Variants in ATP8B4 observed in about 807,000 individuals in gnomAD.
The protein encoded by ATP8B4 is ATPase phospholipid transporting 8B4 (putative).
A neutral mutation model predicts 145.6 loss-of-function variants in ATP8B4; 133 were observed. The observed-to-expected ratio is 0.91, with a 90% CI of 0.79 to 1.05. The LOEUF (loss-of-function observed/expected upper bound fraction) is 1.05, where lower values mean the gene tolerates loss of function less well. ATP8B4 is among the 50% of genes least tolerant of loss of function. The probability of loss-of-function intolerance (pLI) is 0.00; values close to 1 mark genes in which losing one functional copy is unlikely to be tolerated. For missense variants in ATP8B4, 1,458 were observed against 1,425.2 expected, an observed-to-expected ratio of 1.02 and a Z score of -0.37; for synonymous variants, 507 against 492.9, an observed-to-expected ratio of 1.03 and a Z score of -0.38.
At chr15:49,863,455 C>T (rs1215323366) in intron 26 of ATP8B4, among the ~76,000 whole-genome samples, 1 of 152,162 alleles carries the variant, frequency 6.6e-6, no homozygotes, top group Non-Finnish European at 1.5e-5. Context: ...AAGATGCCAA[C>T]CCTGCTTATA....
intron 1 of ATP8B4, among the ~76,000 whole-genome samples, chr15:50,144,482 C>T (rs562366592): frequency 6.6e-6 from 1 of 152,108 alleles, no homozygotes; most frequent in African/African-American, 2.4e-5. Context: ...GCACATCTTA[C>T]GTGGCAGCAG....
intron 20 of ATP8B4, among the ~76,000 whole-genome samples, chr15:49,905,218 C>T (rs1458876659): frequency 1.3e-5 from 2 of 152,120 alleles, no homozygotes; most frequent in African/African-American, 2.4e-5. Context: ...ATTATATATC[C>T]ATGTTTATGA....
intron 7 of ATP8B4, among the ~76,000 whole-genome samples, chr15:50,010,107 A>T (rs2048616655): frequency 6.6e-6 from 1 of 152,198 alleles, no homozygotes. Flanking sequence ...AACTTGATAC[A>T]CAAAATAGCA....
rs754632520 is a variant in ATP8B4 at position 50,038,788 on chromosome 15, A to G, written c.342T>C (p.Ser114=). ...CTTACTTGCTGTTGATGAGCACTTC[A>G]GACTGCCGATTATTCACTTGATTAT... ...KSDNQVNNRQ[S]EVLINSKLQN... Residue 114 remains serine (S), a synonymous_variant, in exon 6 of 28, where the codon TCT becomes TCC. Transcript: ENST00000284509. 2 of 1,613,726 alleles carry G rather than the reference A, an allele frequency of 1.2e-6. No homozygotes were observed. The highest frequency in any genetic ancestry group is 1.7e-6 in the Non-Finnish European group (2 of 1,179,652).
At chr15:49,869,107 C>T (rs140223323) in intron 25 of ATP8B4, among the ~76,000 whole-genome samples, 3,168 of 152,160 alleles carry the variant, frequency 0.021, 121 homozygotes, top group African/African-American at 0.073. Context: ...GACAGGGTTT[C>T]GCCATGTTGG....
chr15:50,052,784 G>A (rs1370599783), intron 3 of ATP8B4, among the ~76,000 whole-genome samples: 1 of 152,180 alleles, frequency 6.6e-6, no homozygotes, highest in Non-Finnish European at 1.5e-5. Flanking sequence ...GCAGAGATCA[G>A]CACAGACTAG....
At chr15:49,921,028 T>C (rs1349784486) in intron 17 of ATP8B4, among the ~76,000 whole-genome samples, 3 of 152,164 alleles carry the variant, frequency 2.0e-5, no homozygotes, top group Non-Finnish European at 2.9e-5. Context: ...AAATAGATGT[T>C]AAATAGTCAG....
chr15:49,859,436 T>A lies in ATP8B4; in HGVS notation c.*758A>T, dbSNP rs1231423380. ...CTACTGAGGTTGTTAGAAAAGCCAT[T>A]GAAAAGTATTTAGAATACTTAGTGG... is the stretch of plus-strand genomic sequence containing the variant. On this transcript the variant is annotated 3_prime_UTR_variant, in exon 28 of 28. Coordinates refer to ENST00000284509, the MANE Select transcript of ATP8B4 (RefSeq NM_024837.4). 1.0e-3 allele frequency: 152 copies of A among 152,314 alleles called. No homozygotes were observed. The highest frequency in any genetic ancestry group is 3.4e-3 in the Middle Eastern group (1 of 294). The allele number at this position is 152,314 out of a possible 1,614,324, so 9.4% of individuals were successfully genotyped here. A position where few individuals can be genotyped will look rare whatever the true frequency, so the allele number is the denominator to read the frequency against.
At chr15:49,925,791 A>AT (rs1197838534) in intron 16 of ATP8B4, among the ~76,000 whole-genome samples, 1 of 152,172 alleles carries the variant, frequency 6.6e-6, no homozygotes, top group African/African-American at 2.4e-5. Flanking sequence ...CTCATTAAAC[A>AT]TTTGCTTTAG....
At chr15:50,168,912 C>T (rs2044631452) in intron 1 of ATP8B4, among the ~76,000 whole-genome samples, 1 of 152,134 alleles carries the variant, frequency 6.6e-6, no homozygotes, top group South Asian at 2.1e-4. Context: ...GCTGGCTTTC[C>T]CCGACTTCCC....
At chr15:49,995,854 G>C (rs2047379927) in intron 9 of ATP8B4, among the ~76,000 whole-genome samples, 1 of 152,108 alleles carries the variant, frequency 6.6e-6, no homozygotes. Flanking sequence ...GAGTGAAAGG[G>C]AGACTCCAGA....
At chr15:49,980,802 T>C (rs2046084951) in intron 11 of ATP8B4, among the ~76,000 whole-genome samples, 1 of 152,174 alleles carries the variant, frequency 6.6e-6, no homozygotes, top group Non-Finnish European at 1.5e-5. Context: ...GCCCTCTGAG[T>C]GTGGGGCCCT....
chr15:50,119,752 C>CTTT (rs572570694), upstream of ATP8B4, among the ~76,000 whole-genome samples: 13,680 of 91,510 alleles, frequency 0.15, 2,044 homozygotes, highest in Middle Eastern at 0.21. Context: ...GTTTTTGTCA[C>CTTT]TTTTTTTTTT....
chr15:49,972,852 A>G, intron 12 of ATP8B4, 62 bp from the exon 13 acceptor site: 1 of 1,537,340 alleles, frequency 6.5e-7, no homozygotes, highest in Non-Finnish European at 8.8e-7. Flanking sequence ...AACATACAAT[A>G]TTTTGCCAAA....
At chr15:50,181,790 A>C (rs566294878) in intron 1 of ATP8B4, among the ~76,000 whole-genome samples, 1 of 152,204 alleles carries the variant, frequency 6.6e-6, no homozygotes, top group Non-Finnish European at 1.5e-5. Context: ...GGAAGGAGAG[A>C]TGAGATTCTG....
At chr15:49,866,052 G>A (rs1598780666) in intron 26 of ATP8B4, among the ~76,000 whole-genome samples, 1 of 152,156 alleles carries the variant, frequency 6.6e-6, no homozygotes, top group Non-Finnish European at 1.5e-5. Context: ...CAGGTCTTCA[G>A]GTAGCCCTAA....
At position 49,965,052 on chromosome 15, in the gene ATP8B4, C is replaced by A. The variant is rs193257927; in HGVS notation, c.1244-3032G>T. Among the ~76,000 whole-genome samples the A allele has an allele frequency of 9.9e-5, 15 of 152,272 alleles. No individual in the cohort carries two copies. The East Asian group carries it at 2.7e-3, about 27-fold the overall frequency. On this transcript the variant is annotated intron_variant, in intron 13 of 27. Transcript: ENST00000284509. Reference sequence around the variant, plus strand: ...TTAAGGAAAGGTTCTATGTTATTTACCAGTCATTATGATACTGATATAAGA... The same window carrying A: ...TTAAGGAAAGGTTCTATGTTATTTAACAGTCATTATGATACTGATATAAGA...
At chr15:50,176,664 A>T (rs527269057) in intron 1 of ATP8B4, among the ~76,000 whole-genome samples, 1 of 152,364 alleles carries the variant, frequency 6.6e-6, no homozygotes, top group South Asian at 2.1e-4. Flanking sequence ...GAAAAAATAC[A>T]AACCAAATCT....
At chr15:50,028,744 C>A (rs1055016371) in intron 6 of ATP8B4, among the ~76,000 whole-genome samples, 4 of 151,976 alleles carry the variant, frequency 2.6e-5, no homozygotes, top group Non-Finnish European at 2.9e-5. Flanking sequence ...TACTTTTGCA[C>A]CAACCTAATA....
Sources: allele counts gnomAD v4.1 joint callset (sites outside exome capture counted in the v4.1 genomes callset), GRCh38; gene constraint gnomAD v4.1.1; transcripts MANE v1.5; gene names NCBI Gene and HGNC (gene_info 2026-07-23, HGNC 2026-07-21).